The following EIF2S3 variants were observed in gnomAD, a reference collection of about 807,000 sequenced individuals.
EIF2S3 encodes the protein eukaryotic translation initiation factor 2 subunit gamma, also known as eukaryotic translation initiation factor 2 subunit 3.
A neutral mutation model predicts 31.7 loss-of-function variants in EIF2S3; 2 were observed. The observed-to-expected ratio is 0.06, with a 90% CI of 0.03 to 0.20. The LOEUF is 0.20. EIF2S3 is among the 10% of genes least tolerant of loss of function. The pLI, the probability that EIF2S3 is intolerant of heterozygous loss-of-function variation, is 1.00. For missense variants in EIF2S3, 96 were observed against 359.3 expected, an observed-to-expected ratio of 0.27 and a Z score of 5.92; for synonymous variants, 120 against 126.7, an observed-to-expected ratio of 0.95 and a Z score of 0.36.
intron 9 of EIF2S3, among the ~76,000 whole-genome samples, chrX:24,068,492 T>C (rs1248040985): frequency 2.7e-5 from 3 of 110,093 alleles, no homozygotes; most frequent in African/African-American, 9.9e-5. Context: ...TCCTCCAGGC[T>C]GGAGTGCAGT....
chrX:24,075,592 TG>T (rs1193536016), intron 11 of EIF2S3, among the ~76,000 whole-genome samples: 1 of 111,868 alleles, frequency 8.9e-6, no homozygotes, highest in East Asian at 2.8e-4. Context: ...TTTTGATATT[TG>T]GGACTTTTCT....
At chrX:24,074,785 G>A (rs748764611) in intron 11 of EIF2S3, among the ~76,000 whole-genome samples, 2 of 107,060 alleles carry the variant, frequency 1.9e-5, no homozygotes, top group South Asian at 4.1e-4. Flanking sequence ...TGCATTGTTC[G>A]ACGTTTGGCC....
intron 4 of EIF2S3, among the ~76,000 whole-genome samples, chrX:24,058,531 TC>T (rs1930439229): frequency 2.6e-5 from 2 of 78,397 alleles, no homozygotes; most frequent in African/African-American, 1.0e-4. Context: ...TATTTTTTTT[TC>T]TTTCTTTTTT....
At chrX:24,063,492 A>T (rs1237752001) in intron 6 of EIF2S3, among the ~76,000 whole-genome samples, 1 of 111,616 alleles carries the variant, frequency 9.0e-6, no homozygotes, top group African/African-American at 3.3e-5. Flanking sequence ...CGTAGCAAAT[A>T]TATATGGTTG....
chrX:24,067,488 C>T (rs1376821472), intron 8 of EIF2S3, among the ~76,000 whole-genome samples: 1 of 80,882 alleles, frequency 1.2e-5, no homozygotes, highest in Non-Finnish European at 2.4e-5. Context: ...CAGTCTCGTT[C>T]ACATCTTTTT....
intron 7 of EIF2S3, among the ~76,000 whole-genome samples, chrX:24,064,721 C>T (rs923984785): frequency 1.8e-5 from 2 of 111,035 alleles, no homozygotes; most frequent in Non-Finnish European, 3.8e-5. Context: ...CCCAGCTACT[C>T]GGGAGGCTGA....
At chrX:24,073,615 C>G (rs1483809372) in intron 11 of EIF2S3, 2 of 123,527 alleles carry the variant, frequency 1.6e-5, no homozygotes, top group Non-Finnish European at 3.3e-5. Flanking sequence ...ATGGCGTGAA[C>G]CTGGGAGTCG....
intron 10 of EIF2S3, among the ~76,000 whole-genome samples, chrX:24,072,039 C>T (rs1930679228): frequency 1.8e-5 from 2 of 109,082 alleles, no homozygotes; most frequent in Non-Finnish European, 3.8e-5. Flanking sequence ...GCACGCCCAG[C>T]TAATTTTTGT....
At chrX:24,064,402 G>A (rs1039309277) in intron 7 of EIF2S3, 67 bp downstream of exon 7, 17 of 1,071,062 alleles carry the variant, frequency 1.6e-5, no homozygotes, top group Non-Finnish European at 2.0e-5. Context: ...CCTCTTCAAG[G>A]ATGTTTATTA....
At chrX:24,055,795 C>T (rs754654146) in intron 2 of EIF2S3, 117 bp downstream of exon 2, 41 of 719,662 alleles carry the variant, frequency 5.7e-5, no homozygotes, top group Non-Finnish European at 8.2e-5. Flanking sequence ...GATACTGAGT[C>T]CTTGTGAATA....
chrX:24,073,406 A>T, intron 11 of EIF2S3, 143 bp downstream of exon 11: 1 of 847,446 alleles, frequency 1.2e-6, no homozygotes, highest in Non-Finnish European at 1.6e-6. Context: ...TGAAAACTAT[A>T]CTTCGGCCGG....
chrX:24,058,737 G>A (rs766091775), intron 4 of EIF2S3, among the ~76,000 whole-genome samples: 28 of 106,739 alleles, frequency 2.6e-4, no homozygotes, highest in African/African-American at 8.2e-4. Flanking sequence ...TTTTTGAGAC[G>A]GAGTCTTTCT....
intron 8 of EIF2S3, 97 bp from the exon 9 acceptor site, chrX:24,067,867 T>C (rs1158610565): frequency 1.0e-6 from 1 of 981,479 alleles, no homozygotes; most frequent in Non-Finnish European, 1.4e-6. Context: ...GGATTACACA[T>C]GTGAGCCACC....
In EIF2S3 at chrX:24,073,275, A is replaced by G. The variant is rs199530914; in HGVS notation, c.1355+12A>G. 4.1e-6 allele frequency: 5 copies of G among 1,208,644 alleles called. No homozygotes were observed. In the Admixed American group the frequency reaches 1.1e-4, roughly 27 times the overall value. ...GAAAAACACTGGCGGTAAGTTTGTTAGTCTTTGCCACTGTCTAATTAAAAA... is the reference window on the plus strand; with the variant it reads ...GAAAAACACTGGCGGTAAGTTTGTTGGTCTTTGCCACTGTCTAATTAAAAA... On this transcript the variant is annotated intron_variant, in intron 11 of 11. Coordinates refer to ENST00000253039, the MANE Select transcript of EIF2S3 (RefSeq NM_001415.4).
chrX:24,067,914 G>A (rs765303769), intron 8 of EIF2S3, 50 bp from the exon 9 acceptor site: 2 of 1,123,210 alleles, frequency 1.8e-6, no homozygotes, highest in African/African-American at 1.8e-5. Context: ...ATAGGTAAAT[G>A]ATAATTTTGC....
chrX:24,056,293 G>A (rs1186261387), intron 2 of EIF2S3, among the ~76,000 whole-genome samples: 6 of 111,685 alleles, frequency 5.4e-5, no homozygotes, highest in Non-Finnish European at 1.1e-4. Flanking sequence ...TGCAAACAAA[G>A]CCCAAATAAG....
In EIF2S3 at chrX:24,061,477, T is replaced by C. The variant is rs189265941; in HGVS notation, c.479-939T>C. Among the ~76,000 whole-genome samples, 428 of 108,401 alleles carry C rather than the reference T, an allele frequency of 3.9e-3. 4 individuals carry two copies. Among genetic ancestry groups the C allele is most frequent in the African/African-American group, 0.014 (410 of 29,770 alleles). 94.1% of individuals were successfully genotyped at this position (108,401 alleles called of 115,157 possible). On this transcript the variant is annotated intron_variant, in intron 5 of 11. Transcript: ENST00000253039. ...AGGAGGCTGAGGCAGGAGAATCGCT[T>C]GAACTTGGGAGGCGGAGGTTGCAGT...
intron 11 of EIF2S3, among the ~76,000 whole-genome samples, chrX:24,075,130 G>A (rs1930735295): frequency 9.1e-6 from 1 of 110,381 alleles, no homozygotes; most frequent in Admixed American, 9.8e-5. Flanking sequence ...CTCCCAAAGT[G>A]CTGGGATTAC....
At position 24,055,686 on chromosome X, in the gene EIF2S3, T is replaced by C. The variant is rs377239918; in HGVS notation, c.133+8T>C. On this transcript the variant is annotated splice_region_variant and intron_variant, in intron 2 of 11. Coordinates refer to ENST00000253039, the MANE Select transcript of EIF2S3 (RefSeq NM_001415.4). ...AAGCCACAATTAACATAGGTAAGAG[T>C]AACTTAAGAGACCTAACCTTGGTCT... 1,334 of 1,206,576 alleles carry C rather than the reference T, an allele frequency of 1.1e-3. 1 individual carries two copies. Among genetic ancestry groups the C allele is most frequent in the Non-Finnish European group, 1.4e-3 (1,223 of 892,236 alleles).
Sources: allele counts gnomAD v4.1 joint callset (sites outside exome capture counted in the v4.1 genomes callset), GRCh38; gene constraint gnomAD v4.1.1; transcripts MANE v1.5; gene names NCBI Gene and HGNC (gene_info 2026-07-23, HGNC 2026-07-21).